Variants in CRY1 observed in about 807,000 individuals in gnomAD.
The protein encoded by CRY1 is cryptochrome circadian regulator 1.
CRY1 carries 45 observed loss-of-function variants against 76.0 expected under a neutral mutation model. That is an observed-to-expected ratio of 0.59 (90% CI 0.47 to 0.76). CRY1 has a LOEUF of 0.76. Among genes scored for constraint, CRY1 ranks in the 30% least tolerant of loss-of-function variants. The pLI, the probability that CRY1 is intolerant of heterozygous loss-of-function variation, is 0.00. For synonymous variants in CRY1, 248 were observed against 244.0 expected (o/e 1.02, Z -0.15); for missense variants, 587 against 716.4 (o/e 0.82, Z 2.06).
chr12:107,039,930 A>G (rs1054101011), intron 1 of CRY1, among the ~76,000 whole-genome samples: 2 of 152,234 alleles, frequency 1.3e-5, no homozygotes, highest in African/African-American at 4.8e-5. Context: ...GATTAAGAAA[A>G]TATTATACAT....
At chr12:107,091,062 C>A (rs1287935488) in intron 1 of CRY1, among the ~76,000 whole-genome samples, 5 of 149,500 alleles carry the variant, frequency 3.3e-5, no homozygotes, top group Admixed American at 2.0e-4. Flanking sequence ...TTTTTTCTTG[C>A]GACAGAGTAC....
At chr12:107,050,617 A>C (rs1359123418) in intron 1 of CRY1, among the ~76,000 whole-genome samples, 1 of 152,236 alleles carries the variant, frequency 6.6e-6, no homozygotes, top group African/African-American at 2.4e-5. Context: ...AGCAGCTTCC[A>C]GTATAGCCTA....
Position 107,003,354 on chromosome 12 carries a change from T to C in CRY1, c.411-1406A>G, listed in dbSNP as rs146189761. ...TTCACTATGGCCATTTGCTTAGCAT[T>C]TGGCCTTAATAAAAAATGACAGGTG... On this transcript the variant is annotated intron_variant, in intron 3 of 12. Transcript: ENST00000008527. Among the ~76,000 whole-genome samples, 1,043 of 152,342 alleles carry C rather than the reference T, an allele frequency of 6.8e-3. 18 individuals carry two copies. The highest frequency in any genetic ancestry group is 0.024 in the African/African-American group (1,000 of 41,564).
At chr12:107,057,728 C>T (rs1405383185) in intron 1 of CRY1, among the ~76,000 whole-genome samples, 1 of 151,774 alleles carries the variant, frequency 6.6e-6, no homozygotes, top group African/African-American at 2.4e-5. Context: ...AAGACCCTGT[C>T]TCTATAAGAA....
chr12:107,031,667 C>T (rs984320237), intron 1 of CRY1, among the ~76,000 whole-genome samples: 2 of 152,072 alleles, frequency 1.3e-5, no homozygotes, highest in African/African-American at 4.8e-5. Context: ...GTGATATTGT[C>T]CCCCAAACCC....
intron 1 of CRY1, among the ~76,000 whole-genome samples, chr12:107,036,145 A>C (rs906365588): frequency 6.6e-6 from 1 of 152,194 alleles, no homozygotes; most frequent in Non-Finnish European, 1.5e-5. Flanking sequence ...CATTGCCTTC[A>C]CCAAGTACTT....
intron 10 of CRY1, among the ~76,000 whole-genome samples, chr12:106,993,753 A>C (rs1357014380): frequency 3.3e-5 from 5 of 152,102 alleles, no homozygotes; most frequent in Non-Finnish European, 7.4e-5. Flanking sequence ...TGCTCACCCT[A>C]AGTGAGTATG....
intron 1 of CRY1, among the ~76,000 whole-genome samples, chr12:107,061,455 C>A (rs1014889573): frequency 6.6e-6 from 1 of 151,730 alleles, no homozygotes. Context: ...TCTTAGCTCA[C>A]TGCAACCTCT....
chr12:107,079,442 G>GT, intron 1 of CRY1, among the ~76,000 whole-genome samples: 1 of 152,098 alleles, frequency 6.6e-6, no homozygotes, highest in Non-Finnish European at 1.5e-5. Flanking sequence ...CTGAGTCCTG[G>GT]TATCAAGCGA....
chr12:107,025,549 G>A (rs1952598498), intron 1 of CRY1, among the ~76,000 whole-genome samples: 1 of 152,098 alleles, frequency 6.6e-6, no homozygotes. Context: ...AATAGTGCCT[G>A]CCCATAGTAA....
intron 1 of CRY1, among the ~76,000 whole-genome samples, chr12:107,051,231 C>G (rs141366515): frequency 6.6e-6 from 1 of 152,172 alleles, no homozygotes; most frequent in South Asian, 2.1e-4. Context: ...AACAAACAAA[C>G]AGAAACAACA....
intron 10 of CRY1, among the ~76,000 whole-genome samples, chr12:106,993,566 G>C (rs1952201272): frequency 6.6e-6 from 1 of 151,924 alleles, no homozygotes; most frequent in Admixed American, 6.6e-5. Flanking sequence ...AGGTTGGCTA[G>C]AACAGAGAAG....
intron 1 of CRY1, among the ~76,000 whole-genome samples, chr12:107,085,889 A>C (rs1953394044): frequency 6.6e-6 from 1 of 152,154 alleles, no homozygotes; most frequent in Non-Finnish European, 1.5e-5. Flanking sequence ...AAAACAAAAC[A>C]AAAACAAAAA....
chr12:107,078,474 T>C (rs1953284240), intron 1 of CRY1, among the ~76,000 whole-genome samples: 1 of 152,154 alleles, frequency 6.6e-6, no homozygotes, highest in African/African-American at 2.4e-5. Flanking sequence ...TGGTTCTCTT[T>C]CGCCTCCTTC....
chr12:107,063,127 A>T (rs1215823203), intron 1 of CRY1, among the ~76,000 whole-genome samples: 1 of 152,212 alleles, frequency 6.6e-6, no homozygotes, highest in Non-Finnish European at 1.5e-5. Flanking sequence ...TGGATTAAGA[A>T]GACTCAAGAC....
intron 2 of CRY1, among the ~76,000 whole-genome samples, chr12:107,013,758 T>C (rs527395293): frequency 2.1e-4 from 32 of 152,298 alleles, no homozygotes; most frequent in African/African-American, 6.7e-4. Flanking sequence ...ATAAAATACA[T>C]ACAAGATTTC....
intron 2 of CRY1, among the ~76,000 whole-genome samples, chr12:107,006,681 AGGCTGAAGTGCAGT>A (rs148260416): frequency 0.69 from 99,644 of 144,686 alleles, 35,070 homozygotes; most frequent in East Asian, 0.97. Flanking sequence ...TTTGTCACCC[AGGCTGAAGTGCAGT>A]GGCTGAAGTG....
intron 5 of CRY1, 107 bp downstream of exon 5, chr12:107,001,173 T>A (rs1390773384): frequency 3.8e-6 from 3 of 779,828 alleles, no homozygotes. Flanking sequence ...TTTCTGTTAA[T>A]CCTCCCCTTT....
intron 1 of CRY1, chr12:107,050,042 A>C (rs1952900503): frequency 2.0e-5 from 3 of 152,254 alleles, no homozygotes. Flanking sequence ...CAAGGAAGTA[A>C]GGAGATAAAG....
Sources: gnomAD v4.1 joint callset for allele counts (sites outside exome capture counted in the v4.1 genomes callset) on GRCh38, gnomAD v4.1.1 for gene constraint, MANE v1.5 for transcripts, NCBI Gene and HGNC (gene_info 2026-07-23, HGNC 2026-07-21) for gene names.